The following TNS1 variants were observed in gnomAD, a reference collection of about 807,000 sequenced individuals.
TNS1 encodes tensin-1.
Under a neutral mutation model 168.6 loss-of-function variants are expected in TNS1, and 62 were observed. The ratio of observed to expected loss-of-function variants is 0.37; its 90% CI spans 0.30 to 0.45. The LOEUF (loss-of-function observed/expected upper bound fraction) is 0.45, where lower values mean the gene tolerates loss of function less well. Ranked by LOEUF, TNS1 falls within the 20% of genes least tolerant of loss-of-function variation. The pLI is 1.00. For missense variants in TNS1, 2,240 were observed against 2,339.4 expected, an observed-to-expected ratio of 0.96 and a Z score of 0.88; for synonymous variants, 934 against 933.2, an observed-to-expected ratio of 1.00 and a Z score of -0.02.
At chr2:217,943,524 A>C (rs188104670) in intron 3 of TNS1, among the ~76,000 whole-genome samples, 1 of 152,280 alleles carries the variant, frequency 6.6e-6, no homozygotes, top group Non-Finnish European at 1.5e-5. Context: ...CTCAGTCCCA[A>C]GCAGCCACTG....
rs147629696 is a variant in TNS1, at chr2:217,818,452, G to C, written c.3880C>G (p.Pro1294Ala). 6.2e-7 allele frequency: 1 copy of C among 1,614,054 alleles called. No homozygotes were observed. The highest frequency in any genetic ancestry group is 1.3e-5 in the African/African-American group (1 of 74,948). Reference protein sequence around the residue: ...ARHRTVGTNTPPSPGFGWRAI... With the variant: ...ARHRTVGTNTAPSPGFGWRAI... Reference sequence around the variant, plus strand: ...CGCCAGCCGAAGCCAGGACTAGGGGGAGTGTTGGTGCCCACTGTTCTGTGG... The same window carrying C: ...CGCCAGCCGAAGCCAGGACTAGGGGCAGTGTTGGTGCCCACTGTTCTGTGG... Residue 1294 changes from proline to alanine, a missense_variant, in exon 24 of 33, where the codon CCC becomes GCC. By Grantham distance (27) the Pro-to-Ala change is conservative. Around this residue, in one of 2 missense-constraint regions of TNS1, gnomAD observed 2,131 missense variants for 2,171.2 expected, o/e 0.98. Coordinates refer to ENST00000682258, the MANE Select transcript of TNS1 (RefSeq NM_001387777.1).
At chr2:217,831,297 C>G (rs1574683075) in intron 22 of TNS1, among the ~76,000 whole-genome samples, 158 bp downstream of exon 22, 1 of 152,180 alleles carries the variant, frequency 6.6e-6, no homozygotes, top group East Asian at 1.9e-4. Context: ...AAATCTGTCA[C>G]CCCCAACCCC....
Position 217,848,734 on chromosome 2 carries a change from C to T in TNS1, c.1783G>A (p.Gly595Ser), listed in dbSNP as rs779836284. The stretch of plus-strand genomic sequence containing the variant: ...CGTCCAGAGGAGGGCACAGCCGAGC[C>T]CCCTGCTGGGCGGGACCTGAGGTGC... ...TQHLRSRPAG[G>S]SAVPSSGRHV... Residue 595 changes from glycine (G) to serine (S), a missense_variant, in exon 19 of 33, where the codon GGC becomes AGC. By Grantham distance (56) the Gly-to-Ser change is moderately conservative (BLOSUM62 0). Around this residue, in one of 2 missense-constraint regions of TNS1, gnomAD observed 2,131 missense variants for 2,171.2 expected, o/e 0.98. Transcript: ENST00000682258. The T allele has an allele frequency of 3.7e-6, 6 of 1,614,210 alleles. No individual in the cohort carries two copies. The highest frequency in any genetic ancestry group is 1.7e-6 in the Non-Finnish European group (2 of 1,180,032).
intron 30 of TNS1, among the ~76,000 whole-genome samples, chr2:217,808,906 T>G (rs1939794776): frequency 6.6e-6 from 1 of 152,066 alleles, no homozygotes; most frequent in Non-Finnish European, 1.5e-5. Flanking sequence ...AGGAAGAAAC[T>G]GGCACTGAGG....
intron 9 of TNS1, among the ~76,000 whole-genome samples, chr2:217,894,516 G>A (rs1952067922): frequency 6.6e-6 from 1 of 152,160 alleles, no homozygotes. Flanking sequence ...AATTAGCCAG[G>A]CATGGTAGCA....
intron 32 of TNS1, among the ~76,000 whole-genome samples, chr2:217,805,594 A>ATCACAC (rs2125042345): frequency 2.3e-4 from 10 of 42,922 alleles, no homozygotes; most frequent in Non-Finnish European, 2.8e-4. Flanking sequence ...AACACACACC[A>ATCACAC]CCACACACCA....
chr2:217,962,529 A>G (rs1003510373), intron 3 of TNS1, among the ~76,000 whole-genome samples: 37 of 151,440 alleles, frequency 2.4e-4, no homozygotes, highest in African/African-American at 6.5e-4. Context: ...TGGATTCAAG[A>G]AAAAAAAATG....
intron 22 of TNS1, among the ~76,000 whole-genome samples, chr2:217,825,922 T>G (rs1176883828): frequency 6.6e-6 from 1 of 152,196 alleles, no homozygotes; most frequent in Non-Finnish European, 1.5e-5. Context: ...AGTCTGAACT[T>G]GGGGAACAGG....
intron 3 of TNS1, among the ~76,000 whole-genome samples, chr2:217,964,193 G>A (rs973187244): frequency 6.6e-6 from 1 of 152,236 alleles, no homozygotes; most frequent in Admixed American, 6.5e-5. Context: ...TATTCACAGA[G>A]GGGTGCTGAT....
At position 217,817,932 on chromosome 2, in the gene TNS1, A is replaced by G; in HGVS notation, c.4400T>C (p.Leu1467Pro). Residue 1467 changes from leucine (L) to proline (P), a missense_variant, in exon 24 of 33, where the codon CTG (leucine) becomes CCG (proline). This residue lies in a region of TNS1 where 2,131 missense variants were observed against 2,171.2 expected (regional missense o/e 0.98). Transcript: ENST00000682258. ...FPVSPAYYPG[L>P]SSPATSPSPD... The stretch of plus-strand genomic sequence containing the variant: ...TGACGGGGAGGTGGCAGGGCTGCTC[A>G]GGCCAGGGTAGTAGGCAGGGGAGAC... The G allele has an allele frequency of 1.9e-6, 3 of 1,612,692 alleles. No homozygotes were observed. The highest frequency in any genetic ancestry group is 2.5e-6 in the Non-Finnish European group (3 of 1,179,360).
chr2:217,842,089 T>C, intron 19 of TNS1: 1 of 703,080 alleles, frequency 1.4e-6, no homozygotes, highest in Non-Finnish European at 2.6e-6. Context: ...TGCCAGTTCC[T>C]ATGCTGGTTC....
At chr2:217,859,842 C>T (rs1201909708) in intron 18 of TNS1, 1 of 633,380 alleles carries the variant, frequency 1.6e-6, no homozygotes, top group East Asian at 2.8e-5. Context: ...TCCTGATGTG[C>T]CCTGGAAAGT....
At position 217,880,641 on chromosome 2, in the gene TNS1, T is replaced by C. The variant is rs1472688971; in HGVS notation, c.1429+257A>G. Among the ~76,000 whole-genome samples the C allele has an allele frequency of 6.6e-6, 1 of 152,202 alleles. No individual in the cohort carries two copies. The highest frequency in any genetic ancestry group is 1.5e-5 in the Non-Finnish European group (1 of 68,034). On this transcript the variant is annotated intron_variant, in intron 18 of 32. Coordinates refer to ENST00000682258, the MANE Select transcript of TNS1 (RefSeq NM_001387777.1). The surrounding 1 kb of genome is among the most constrained non-coding windows in gnomAD (Gnocchi z 4.2). ...ACTGTCCACGGAACTTACTTGGCTG[T>C]AGCAACACACTTCCACGATAACCCC... is the stretch of plus-strand genomic sequence containing the variant.
intron 3 of TNS1, among the ~76,000 whole-genome samples, chr2:217,964,354 G>A (rs990680952): frequency 1.3e-5 from 2 of 152,168 alleles, no homozygotes; most frequent in Admixed American, 1.3e-4. Context: ...CTTGTCCAGT[G>A]TCAGAGATAG....
chr2:217,832,097 G>A (rs931677351), intron 21 of TNS1, among the ~76,000 whole-genome samples: 7 of 152,148 alleles, frequency 4.6e-5, no homozygotes, highest in Admixed American at 2.0e-4. Context: ...CCAGAGCCAC[G>A]CCAACCCTGA....
intron 3 of TNS1, among the ~76,000 whole-genome samples, chr2:217,931,035 A>C (rs1956293957): frequency 6.6e-6 from 1 of 152,174 alleles, no homozygotes; most frequent in Admixed American, 6.5e-5. Context: ...GTGTTCACTC[A>C]ACAATGCCCA....
At chr2:217,816,103 GA>G (rs1411758573) in intron 24 of TNS1, among the ~76,000 whole-genome samples, 1 of 152,164 alleles carries the variant, frequency 6.6e-6, no homozygotes, top group Non-Finnish European at 1.5e-5. Context: ...GGAATTCAGG[GA>G]TGAGAAGTGA....
chr2:217,890,163 G>A (rs991816226), intron 12 of TNS1, among the ~76,000 whole-genome samples: 14 of 152,120 alleles, frequency 9.2e-5, no homozygotes, highest in South Asian at 6.2e-4. Flanking sequence ...ATAGCTCACC[G>A]TGATTCCAGT....
chr2:217,980,304 T>G (rs1339692972), intron 2 of TNS1, among the ~76,000 whole-genome samples: 1 of 152,122 alleles, frequency 6.6e-6, no homozygotes, highest in African/African-American at 2.4e-5. Flanking sequence ...CCCATCACTC[T>G]GGTCTTTCTG....
Sources: allele counts gnomAD v4.1 joint callset (sites outside exome capture counted in the v4.1 genomes callset), GRCh38; gene constraint gnomAD v4.1.1; regional missense constraint gnomAD v4.1.1; non-coding constraint Gnocchi (gnomAD v3.1); transcripts MANE v1.5; gene names NCBI Gene and HGNC (gene_info 2026-07-23, HGNC 2026-07-21).